FBXO8: variants seen among roughly 807,000 people sequenced by gnomAD.
FBXO8 encodes F-box only protein 8.
Under a neutral mutation model 33.4 loss-of-function variants are expected in FBXO8, and 15 were observed. The ratio of observed to expected loss-of-function variants is 0.45; its 90% CI spans 0.30 to 0.69. The LOEUF is 0.69. Ranked by LOEUF, FBXO8 falls within the 30% of genes least tolerant of loss-of-function variation. FBXO8 has a pLI of 0.08. For synonymous variants in FBXO8, 132 were observed against 131.5 expected (o/e 1.00, Z -0.02); for missense variants, 274 against 380.3 (o/e 0.72, Z 2.32).
rs572691803 is a variant in FBXO8 at position 174,265,000 on chromosome 4, C to A, written c.-8-1900G>T. Among the ~76,000 whole-genome samples, 17 of 152,048 alleles carry A rather than the reference C, an allele frequency of 1.1e-4. No homozygotes were observed. The East Asian group carries it at 1.7e-3, about 16-fold the overall frequency. ...CTCACCAAAGAAAATACACAAATGG[C>A]AAATAAGCACATGAAAAGATGCTCA... On this transcript the variant is annotated intron_variant, in intron 1 of 5. Transcript: ENST00000393674.
chr4:174,276,316 C>A (rs1235416157), intron 1 of FBXO8, among the ~76,000 whole-genome samples: 1 of 152,060 alleles, frequency 6.6e-6, no homozygotes, highest in Non-Finnish European at 1.5e-5. Flanking sequence ...CGGCTCACTG[C>A]AACCTCTGCC....
In FBXO8 at chr4:174,257,099, C is replaced by T. The variant is rs563987527; in HGVS notation, c.456+2600G>A. ...AAACAACTTGAATTTGAGCTCTTTT[C>T]TCTGCCCCCTCTCCAAACACCCTAG... On this transcript the variant is annotated intron_variant, in intron 3 of 5. Transcript: ENST00000393674. This position sits in a 1 kb window ranked among gnomAD's most constrained non-coding sequence, Gnocchi z 4.3. 6.6e-6 allele frequency among the ~76,000 whole-genome samples: 1 copy of T among 152,190 alleles called. No individual in the cohort carries two copies. Among genetic ancestry groups the T allele is most frequent in the Admixed American group, 6.5e-5 (1 of 15,270 alleles).
intron 3 of FBXO8, among the ~76,000 whole-genome samples, chr4:174,244,281 T>C (rs1435754288): frequency 1.3e-5 from 2 of 151,654 alleles, no homozygotes; most frequent in South Asian, 2.1e-4. Flanking sequence ...TTATCCTAGA[T>C]GAGTATAGAT....
At chr4:174,242,547 C>A (rs935351249) in intron 3 of FBXO8, among the ~76,000 whole-genome samples, 5 of 151,428 alleles carry the variant, frequency 3.3e-5, no homozygotes, top group Admixed American at 6.6e-5. Flanking sequence ...AATGCTAAGG[C>A]ACTGATTTTA....
intron 3 of FBXO8, among the ~76,000 whole-genome samples, chr4:174,248,945 C>T (rs1736225313): frequency 6.6e-6 from 1 of 151,890 alleles, no homozygotes; most frequent in African/African-American, 2.4e-5. Context: ...CCAATGGAGT[C>T]CAGGGAAAAC....
At position 174,261,768 on chromosome 4, in the gene FBXO8, A is replaced by G. The variant is rs553983021; in HGVS notation, c.329+996T>C. Reference sequence around the variant, plus strand: ...TGACATCAGAAAGCCTAATTTAGGAATGTCATTACTGAAAATATATTTTGA... The same window carrying G: ...TGACATCAGAAAGCCTAATTTAGGAGTGTCATTACTGAAAATATATTTTGA... On this transcript the variant is annotated intron_variant, in intron 2 of 5. Coordinates refer to ENST00000393674, the MANE Select transcript of FBXO8 (RefSeq NM_012180.3). The surrounding 1 kb of genome is among the most constrained non-coding windows in gnomAD (Gnocchi z 4.1). 2.6e-5 allele frequency among the ~76,000 whole-genome samples: 4 copies of G among 152,166 alleles called. No homozygotes were observed. In the South Asian group the frequency reaches 8.3e-4, roughly 32 times the overall value.
Position 174,283,240 on chromosome 4 carries a change from C to T in FBXO8, c.-9+170G>A, listed in dbSNP as rs193158570. 6.6e-6 allele frequency among the ~76,000 whole-genome samples: 1 copy of T among 152,332 alleles called. No homozygotes were observed. The highest frequency in any genetic ancestry group is 1.9e-4 in the East Asian group (1 of 5,188). The stretch of plus-strand genomic sequence containing the variant: ...GACAGTGATTCCTCACTTTAATGAG[C>T]CACCACTACTGTCACTCAAGATGCT... On this transcript the variant is annotated intron_variant, in intron 1 of 5. Transcript: ENST00000393674. This position sits in a 1 kb window ranked among gnomAD's most constrained non-coding sequence, Gnocchi z 6.7.
chr4:174,282,418 C>A (rs867973531), intron 1 of FBXO8, among the ~76,000 whole-genome samples: 1 of 152,068 alleles, frequency 6.6e-6, no homozygotes, highest in South Asian at 2.1e-4. Flanking sequence ...TGTTACCCAG[C>A]AATAGACAAC....
intron 3 of FBXO8, among the ~76,000 whole-genome samples, chr4:174,246,413 T>C (rs1050575733): frequency 6.6e-6 from 1 of 151,982 alleles, no homozygotes; most frequent in Non-Finnish European, 1.5e-5. Flanking sequence ...GTTTGGTGAC[T>C]GGGAGGAAAG....
intron 2 of FBXO8, among the ~76,000 whole-genome samples, chr4:174,260,184 C>T (rs1355934029): frequency 6.6e-6 from 1 of 151,888 alleles, no homozygotes; most frequent in Non-Finnish European, 1.5e-5. Flanking sequence ...ATTAGCCTGC[C>T]TAATCTTCAC....
intron 1 of FBXO8, among the ~76,000 whole-genome samples, chr4:174,271,943 A>T (rs1736846089): frequency 6.6e-6 from 1 of 152,160 alleles, no homozygotes; most frequent in Non-Finnish European, 1.5e-5. Flanking sequence ...GCTATACACT[A>T]ATATGGTGAA....
rs1396657063 is a variant in FBXO8 at position 174,237,293 on chromosome 4, C to G, written c.*119G>C. 5 of 754,096 alleles carry G rather than the reference C, an allele frequency of 6.6e-6. No individual in the cohort carries two copies. The highest frequency in any genetic ancestry group is 1.0e-5 in the Non-Finnish European group (5 of 488,870). The allele number at this position is 754,096 out of a possible 1,614,324, so 46.7% of individuals were successfully genotyped here. A position where few individuals can be genotyped will look rare whatever the true frequency, so the allele number is the denominator to read the frequency against. Reference sequence around the variant, plus strand: ...TGGCAAAAGAAAAAAAGGTTGCACACTGAAGCTTGATTGTATACTCAGGCT... The same window carrying G: ...TGGCAAAAGAAAAAAAGGTTGCACAGTGAAGCTTGATTGTATACTCAGGCT... On this transcript the variant is annotated 3_prime_UTR_variant, in exon 6 of 6. Transcript: ENST00000393674. The surrounding 1 kb of genome is among the most constrained non-coding windows in gnomAD (Gnocchi z 4.4).
chr4:174,239,904 C>T (rs1312085584), intron 4 of FBXO8, among the ~76,000 whole-genome samples: 2 of 151,586 alleles, frequency 1.3e-5, no homozygotes, highest in Admixed American at 1.3e-4. Flanking sequence ...TTATTGAACT[C>T]AATCATGATT....
At position 174,237,186 on chromosome 4, in the gene FBXO8, T is replaced by G; in HGVS notation, c.*226A>C. The G allele has an allele frequency of 2.2e-6, 1 of 454,202 alleles. No individual in the cohort carries two copies. 28.1% of individuals were successfully genotyped at this position (454,202 alleles called of 1,614,324 possible). Reference sequence around the variant, plus strand: ...CAGCTGTGTTAGACAGTGGCTCTGCTTTGTGCAAAACGTGATAAACAAAAT... The same window carrying G: ...CAGCTGTGTTAGACAGTGGCTCTGCGTTGTGCAAAACGTGATAAACAAAAT... On this transcript the variant is annotated 3_prime_UTR_variant, in exon 6 of 6. Coordinates refer to ENST00000393674, the MANE Select transcript of FBXO8 (RefSeq NM_012180.3). The surrounding 1 kb of genome is among the most constrained non-coding windows in gnomAD (Gnocchi z 4.4).
intron 1 of FBXO8, among the ~76,000 whole-genome samples, chr4:174,273,849 T>A (rs1736893513): frequency 1.3e-5 from 2 of 151,890 alleles, no homozygotes; most frequent in South Asian, 4.2e-4. Flanking sequence ...AGTTTAAGAA[T>A]TATTATTATT....
intron 5 of FBXO8, among the ~76,000 whole-genome samples, chr4:174,238,401 C>T (rs141009429): frequency 5.3e-5 from 8 of 151,728 alleles, no homozygotes; most frequent in East Asian, 1.9e-4. Flanking sequence ...AAATTTCACA[C>T]GACAGGAACA....
In FBXO8 at chr4:174,245,714, G is replaced by A. The variant is rs557960132; in HGVS notation, c.457-4496C>T. On this transcript the variant is annotated intron_variant, in intron 3 of 5. Coordinates refer to ENST00000393674, the MANE Select transcript of FBXO8 (RefSeq NM_012180.3). This position sits in a 1 kb window ranked among gnomAD's most constrained non-coding sequence, Gnocchi z 4.6. ...AAAATTAGATAGTGGGCTATTCAGC[G>A]GAGCACTCACTTAAAAAATAAAAAT... Among the ~76,000 whole-genome samples, 5 of 151,858 alleles carry A rather than the reference G, an allele frequency of 3.3e-5. No individual in the cohort carries two copies. Among genetic ancestry groups the A allele is most frequent in the South Asian group, 4.1e-4 (2 of 4,820 alleles).
In FBXO8 at chr4:174,254,291, A is replaced by C. The variant is rs1488630022; in HGVS notation, c.456+5408T>G. Among the ~76,000 whole-genome samples the C allele has an allele frequency of 6.6e-6, 1 of 152,146 alleles. No homozygotes were observed. The highest frequency in any genetic ancestry group is 2.1e-4 in the South Asian group (1 of 4,824). ...TTTGAAGTATGTGTGTCTTACTGTC[A>C]ACTTGGTTCACATTCTACTACCTGT... On this transcript the variant is annotated intron_variant, in intron 3 of 5. Transcript: ENST00000393674. The surrounding 1 kb of genome is among the most constrained non-coding windows in gnomAD (Gnocchi z 4.2).
intron 1 of FBXO8, among the ~76,000 whole-genome samples, chr4:174,268,692 T>A (rs1382764752): frequency 6.6e-6 from 1 of 152,168 alleles, no homozygotes; most frequent in Non-Finnish European, 1.5e-5. Flanking sequence ...CGCCTTGGCC[T>A]CCCAAAGTGC....
Sources: gnomAD v4.1 joint callset for allele counts (sites outside exome capture counted in the v4.1 genomes callset) on GRCh38, gnomAD v4.1.1 for gene constraint, Gnocchi (gnomAD v3.1) non-coding constraint, MANE v1.5 for transcripts, NCBI Gene and HGNC (gene_info 2026-07-23, HGNC 2026-07-21) for gene names.